CNTN5: variants seen among roughly 807,000 people sequenced by gnomAD.
CNTN5 encodes contactin 5.
A neutral mutation model predicts 129.1 loss-of-function variants in CNTN5; 77 were observed. That is an observed-to-expected ratio of 0.60 (90% CI 0.50 to 0.72). The LOEUF (loss-of-function observed/expected upper bound fraction) is 0.72, where lower values mean the gene tolerates loss of function less well. Ranked by LOEUF, CNTN5 falls within the 30% of genes least tolerant of loss-of-function variation. CNTN5 has a pLI of 0.00. For missense variants in CNTN5, 1,478 were observed against 1,328.8 expected, an observed-to-expected ratio of 1.11 and a Z score of -1.75; for synonymous variants, 509 against 465.6, an observed-to-expected ratio of 1.09 and a Z score of -1.20.
intron 1 of CNTN5, among the ~76,000 whole-genome samples, chr11:99,262,712 C>T (rs1005527614): frequency 9.3e-5 from 14 of 150,584 alleles, no homozygotes; most frequent in Non-Finnish European, 1.5e-4. Flanking sequence ...TATGTAAAAA[C>T]TTGTTTTATT....
intron 6 of CNTN5, among the ~76,000 whole-genome samples, chr11:99,888,035 C>T (rs1641993123): frequency 6.6e-6 from 1 of 152,118 alleles, no homozygotes; most frequent in Non-Finnish European, 1.5e-5. Context: ...TATTTATTTC[C>T]TAATTCTCGG....
chr11:100,198,018 C>A (rs1392732711), intron 15 of CNTN5, among the ~76,000 whole-genome samples: 1 of 151,792 alleles, frequency 6.6e-6, no homozygotes, highest in Non-Finnish European at 1.5e-5. Flanking sequence ...TAAGACTTTT[C>A]CAGGCCACAT....
intron 7 of CNTN5, among the ~76,000 whole-genome samples, chr11:99,923,227 A>G (rs1056720685): frequency 6.6e-6 from 1 of 152,182 alleles, no homozygotes; most frequent in Non-Finnish European, 1.5e-5. Context: ...TATGTACATG[A>G]AAATACCTTG....
intron 9 of CNTN5, among the ~76,000 whole-genome samples, chr11:100,020,301 T>G (rs537660538): frequency 6.6e-6 from 1 of 152,220 alleles, no homozygotes; most frequent in South Asian, 2.1e-4. Flanking sequence ...TGAAAGGTGA[T>G]ATTTGTATAT....
At position 100,280,103 on chromosome 11, in the gene CNTN5, A is replaced by G. The variant is rs548194046; in HGVS notation, c.2314+8862A>G. 3.6e-4 allele frequency among the ~76,000 whole-genome samples: 54 copies of G among 151,614 alleles called. No individual in the cohort carries two copies. In the South Asian group the frequency reaches 8.1e-3, roughly 23 times the overall value. ...AGGAGCATTTTTTTTGTGACCTAAC[A>G]TATGGCCTATCCTTGAGAATAACCT... On this transcript the variant is annotated intron_variant, in intron 18 of 24. Transcript: ENST00000524871.
At chr11:99,745,162 G>A (rs1172205501) in intron 3 of CNTN5, among the ~76,000 whole-genome samples, 1 of 152,182 alleles carries the variant, frequency 6.6e-6, no homozygotes, top group African/African-American at 2.4e-5. Context: ...GATGGGCATG[G>A]ATTGCTGCTT....
chr11:99,118,031 A>G (rs1308730955), intron 1 of CNTN5, among the ~76,000 whole-genome samples: 1 of 152,180 alleles, frequency 6.6e-6, no homozygotes, highest in Admixed American at 6.6e-5. Context: ...GCATACTGCT[A>G]TTATGAATAA....
intron 18 of CNTN5, among the ~76,000 whole-genome samples, chr11:100,283,484 C>G (rs1336583764): frequency 6.6e-6 from 1 of 152,130 alleles, no homozygotes; most frequent in Non-Finnish European, 1.5e-5. Flanking sequence ...TATCTCTGAG[C>G]CCAGTTCAAC....
At chr11:100,109,042 C>G (rs765111911) in intron 13 of CNTN5, among the ~76,000 whole-genome samples, 16 of 152,152 alleles carry the variant, frequency 1.1e-4, no homozygotes, top group Non-Finnish European at 1.9e-4. Context: ...CATCTGAACT[C>G]TGTCATGCCA....
At chr11:99,286,189 A>C (rs1415999806) in intron 1 of CNTN5, among the ~76,000 whole-genome samples, 3 of 152,200 alleles carry the variant, frequency 2.0e-5, no homozygotes, top group Non-Finnish European at 2.9e-5. Context: ...GTTGTTATAC[A>C]AAAAGATGGG....
intron 2 of CNTN5, among the ~76,000 whole-genome samples, chr11:99,342,932 G>A (rs1199436429): frequency 6.6e-6 from 1 of 151,910 alleles, no homozygotes; most frequent in African/African-American, 2.4e-5. Flanking sequence ...ATGGTCATTT[G>A]TCATCAGATT....
intron 6 of CNTN5, among the ~76,000 whole-genome samples, chr11:99,875,646 A>G (rs963142656): frequency 6.6e-6 from 1 of 152,150 alleles, no homozygotes. Context: ...TATTTTGTAC[A>G]GTCCTAAAGC....
intron 13 of CNTN5, among the ~76,000 whole-genome samples, chr11:100,106,249 T>A (rs1945428252): frequency 6.6e-6 from 1 of 152,176 alleles, no homozygotes; most frequent in Non-Finnish European, 1.5e-5. Context: ...CACAGCTAAC[T>A]GCCAGGTAAT....
chr11:99,549,261 A>G (rs1416071843), intron 2 of CNTN5, among the ~76,000 whole-genome samples: 1 of 151,852 alleles, frequency 6.6e-6, no homozygotes, highest in Non-Finnish European at 1.5e-5. Context: ...GATTTTCTTT[A>G]TTCCTTCTAC....
Position 99,819,646 on chromosome 11 carries a change from G to A in CNTN5, c.158G>A (p.Arg53Gln), listed in dbSNP as rs752165707. ...SSLFGSKTRPRYSSPSLGTLS... is the reference protein window; with the variant it reads ...SSLFGSKTRPQYSSPSLGTLS... The stretch of plus-strand genomic sequence containing the variant: ...CTCTTTGGTTCCAAAACCAGACCAC[G>A]ATACAGCAGCCCTTCATTAGGAACA... Residue 53 changes from arginine (R) to glutamine (Q), a missense_variant, in exon 4 of 25, where the codon CGA (arginine) becomes CAA (glutamine). Arg to Gln is a conservative substitution (Grantham distance 43). Transcript: ENST00000524871. 1.9e-5 allele frequency: 31 copies of A among 1,612,870 alleles called. No individual in the cohort carries two copies. The highest frequency in any genetic ancestry group is 3.3e-5 in the South Asian group (3 of 91,084).
chr11:99,422,604 A>G (rs1204029823), intron 2 of CNTN5, among the ~76,000 whole-genome samples: 1 of 148,072 alleles, frequency 6.8e-6, no homozygotes, highest in African/African-American at 2.5e-5. Flanking sequence ...ACATGTGCAC[A>G]ACGTGCAGGT....
At chr11:100,078,958 GA>G (rs1268902649) in intron 13 of CNTN5, among the ~76,000 whole-genome samples, 15 of 152,038 alleles carry the variant, frequency 9.9e-5, no homozygotes, top group African/African-American at 3.6e-4. Context: ...GAGGCCTCAG[GA>G]AACGTACAAT....
intron 1 of CNTN5, among the ~76,000 whole-genome samples, chr11:99,226,966 C>T (rs1300220675): frequency 6.6e-6 from 1 of 152,126 alleles, no homozygotes; most frequent in African/African-American, 2.4e-5. Flanking sequence ...AAGGATTTCA[C>T]AGTACGACAA....
chr11:99,991,365 G>A (rs550363290), intron 8 of CNTN5, among the ~76,000 whole-genome samples: 3 of 152,230 alleles, frequency 2.0e-5, no homozygotes, highest in African/African-American at 7.2e-5. Context: ...TACTCGGGAG[G>A]CTGAGGCAGG....
Sources: gnomAD v4.1 joint callset for allele counts (sites outside exome capture counted in the v4.1 genomes callset) on GRCh38, gnomAD v4.1.1 for gene constraint, MANE v1.5 for transcripts, NCBI Gene and HGNC (gene_info 2026-07-23, HGNC 2026-07-21) for gene names.